The following EYS variants were observed in gnomAD, a reference collection of about 807,000 sequenced individuals.
EYS encodes the protein protein eyes shut homolog.
In EYS, 250 loss-of-function variants were observed where a neutral mutation model predicts 282.1. The ratio of observed to expected loss-of-function variants is 0.89; its 90% CI spans 0.80 to 0.98. The LOEUF (loss-of-function observed/expected upper bound fraction) is 0.98, where lower values mean the gene tolerates loss of function less well. Ranked by LOEUF, EYS falls within the 50% of genes least tolerant of loss-of-function variation. The probability of loss-of-function intolerance (pLI) is 0.00; values close to 1 mark genes in which losing one functional copy is unlikely to be tolerated. For synonymous variants in EYS, 1,355 were observed against 1,282.9 expected (o/e 1.06, Z -1.20); for missense variants, 4,016 against 3,709.0 (o/e 1.08, Z -2.15).
At chr6:65,208,302 G>A (rs1290376458) in intron 12 of EYS, among the ~76,000 whole-genome samples, 6 of 151,790 alleles carry the variant, frequency 4.0e-5, no homozygotes, top group Admixed American at 3.9e-4. Context: ...ATAAACAACA[G>A]ATTTTGACAA....
chr6:64,188,313 C>G (rs1562244387), intron 31 of EYS, among the ~76,000 whole-genome samples: 1 of 152,002 alleles, frequency 6.6e-6, no homozygotes, highest in Non-Finnish European at 1.5e-5. Context: ...ACTTAAAAAA[C>G]TAATAGTTCT....
intron 26 of EYS, among the ~76,000 whole-genome samples, chr6:64,557,880 A>G (rs1765280568): frequency 6.6e-6 from 1 of 152,058 alleles, no homozygotes; most frequent in South Asian, 2.1e-4. Flanking sequence ...GTCAGAACTG[A>G]GTAGTTTCAA....
intron 5 of EYS, among the ~76,000 whole-genome samples, chr6:65,408,868 A>T (rs1259640339): frequency 6.6e-6 from 1 of 152,270 alleles, no homozygotes; most frequent in Non-Finnish European, 1.5e-5. Flanking sequence ...TAAGTACTTA[A>T]GCACAGTATA....
At chr6:64,394,490 A>G (rs1773286239) in intron 28 of EYS, among the ~76,000 whole-genome samples, 1 of 152,180 alleles carries the variant, frequency 6.6e-6, no homozygotes, top group South Asian at 2.1e-4. Context: ...ATCTACAACT[A>G]TCTGATCTTT....
chr6:64,197,726 C>T (rs1451794686), intron 31 of EYS, among the ~76,000 whole-genome samples: 1 of 150,768 alleles, frequency 6.6e-6, no homozygotes, highest in African/African-American at 2.4e-5. Flanking sequence ...TCTTTTTAAT[C>T]TATTTAGTGG....
chr6:64,764,043 C>T (rs1773246531), intron 22 of EYS, among the ~76,000 whole-genome samples: 1 of 152,122 alleles, frequency 6.6e-6, no homozygotes, highest in Admixed American at 6.6e-5. Flanking sequence ...GCATTGAGGG[C>T]CGGAGGCTTT....
chr6:64,150,886 T>G (rs1384739019), intron 31 of EYS, among the ~76,000 whole-genome samples: 1 of 152,150 alleles, frequency 6.6e-6, no homozygotes. Flanking sequence ...AAAGGCTTGA[T>G]TACTTCAAAT....
intron 2 of EYS, among the ~76,000 whole-genome samples, chr6:65,498,308 T>A (rs1766326437): frequency 6.6e-6 from 1 of 151,994 alleles, no homozygotes; most frequent in African/African-American, 2.4e-5. Flanking sequence ...TACCTGTAAA[T>A]CACAAATTTA....
At chr6:65,480,977 T>C (rs1332945474) in intron 5 of EYS, among the ~76,000 whole-genome samples, 1 of 152,032 alleles carries the variant, frequency 6.6e-6, no homozygotes, top group African/African-American at 2.4e-5. Context: ...AGAAGGAGGA[T>C]AGGGACAGTT....
At chr6:64,610,517 C>G (rs1767081618) in intron 24 of EYS, among the ~76,000 whole-genome samples, 1 of 149,598 alleles carries the variant, frequency 6.7e-6, no homozygotes, top group South Asian at 2.1e-4. Flanking sequence ...GATCCTTGTG[C>G]ATTGGCCTCT....
At chr6:65,659,747 T>G (rs551620210) in intron 1 of EYS, among the ~76,000 whole-genome samples, 1 of 151,936 alleles carries the variant, frequency 6.6e-6, no homozygotes, top group Non-Finnish European at 1.5e-5. Context: ...TCAAACAAAT[T>G]TACTAATTTT....
chr6:64,428,668 T>C (rs1650608140), intron 28 of EYS, among the ~76,000 whole-genome samples: 1 of 152,174 alleles, frequency 6.6e-6, no homozygotes, highest in South Asian at 2.1e-4. Flanking sequence ...TGTCACTAAA[T>C]TGCCATTATC....
intron 33 of EYS, among the ~76,000 whole-genome samples, chr6:64,059,131 T>C (rs1771079834): frequency 6.6e-6 from 1 of 152,184 alleles, no homozygotes; most frequent in South Asian, 2.1e-4. Flanking sequence ...TCCTCTTTCA[T>C]CTGTTGTCCC....
At chr6:63,746,472 A>G (rs1210651255) in intron 41 of EYS, among the ~76,000 whole-genome samples, 1 of 152,050 alleles carries the variant, frequency 6.6e-6, no homozygotes, top group Non-Finnish European at 1.5e-5. Context: ...CTCTTTTTCT[A>G]TTGATTGGAG....
chr6:64,904,980 T>A (rs1027147459), intron 16 of EYS, among the ~76,000 whole-genome samples: 3 of 152,210 alleles, frequency 2.0e-5, no homozygotes, highest in African/African-American at 7.2e-5. Flanking sequence ...AAAGCTTTGC[T>A]GAGATAGCCT....
intron 35 of EYS, among the ~76,000 whole-genome samples, chr6:63,887,635 C>T (rs937121914): frequency 3.9e-5 from 6 of 152,232 alleles, no homozygotes; most frequent in Non-Finnish European, 5.9e-5. Flanking sequence ...CCAAATACTA[C>T]ACTTTTCCCA....
chr6:64,156,882 T>C (rs1424318843), intron 31 of EYS, among the ~76,000 whole-genome samples: 32 of 149,760 alleles, frequency 2.1e-4, no homozygotes, highest in African/African-American at 7.9e-4. Context: ...TAATTTTTAA[T>C]TTTTAATTAA....
At chr6:65,398,037 G>T (rs1162635635) in intron 7 of EYS, among the ~76,000 whole-genome samples, 1 of 151,498 alleles carries the variant, frequency 6.6e-6, no homozygotes, top group Non-Finnish European at 1.5e-5. Context: ...TATGTTTTTT[G>T]GCTGCTTTTA....
chr6:65,376,761 C>CA (rs1562133950), intron 8 of EYS, among the ~76,000 whole-genome samples: 1 of 151,918 alleles, frequency 6.6e-6, no homozygotes, highest in African/African-American at 2.4e-5. Context: ...CAAGAAATAT[C>CA]AAAAAAGACA....
Sources: gnomAD v4.1 joint callset for allele counts (sites outside exome capture counted in the v4.1 genomes callset) on GRCh38, gnomAD v4.1.1 for gene constraint, MANE v1.5 for transcripts, NCBI Gene and HGNC (gene_info 2026-07-23, HGNC 2026-07-21) for gene names.